Variants in TBC1D16 observed in about 807,000 individuals in gnomAD.
TBC1D16 encodes TBC1 domain family member 16.
Under a neutral mutation model 74.7 loss-of-function variants are expected in TBC1D16, and 58 were observed. The observed-to-expected ratio is 0.78, with a 90% CI of 0.63 to 0.97. TBC1D16 has a LOEUF of 0.97. TBC1D16 is among the 50% of genes least tolerant of loss of function. The pLI, the probability that TBC1D16 is intolerant of heterozygous loss-of-function variation, is 0.00. For missense variants in TBC1D16, 1,014 were observed against 1,079.5 expected (o/e 0.94, Z 0.85); for synonymous variants, 493 against 474.7 (o/e 1.04, Z -0.50).
At chr17:79,974,566 C>T (rs1456271409) in intron 3 of TBC1D16, among the ~76,000 whole-genome samples, 2 of 152,232 alleles carry the variant, frequency 1.3e-5, no homozygotes, top group Non-Finnish European at 2.9e-5. Context: ...TTATGGTTGG[C>T]CGAGGGTAAC....
In TBC1D16 at chr17:79,960,779, C is replaced by CAAAAAAAAAAAAAAAAAAAAAAAAAAA. The variant is rs746450905; in HGVS notation, c.780-7988_780-7962dup. Among the ~76,000 whole-genome samples the CAAAAAAAAAAAAAAAAAAAAAAAAAAA allele has an allele frequency of 1.5e-3, 51 of 33,948 alleles. 16 individuals are homozygous for CAAAAAAAAAAAAAAAAAAAAAAAAAAA. The highest frequency in any genetic ancestry group is 2.7e-3 in the African/African-American group (26 of 9,548). 22.3% of individuals were successfully genotyped at this position (33,948 alleles called of 152,430 possible). Reference sequence around the variant, plus strand: ...CAAAAAAACCCAAAAAACAAAAACCCAAAAAAAAAAAAAAAAAAAAAAAAA... The same window carrying CAAAAAAAAAAAAAAAAAAAAAAAAAAA: ...CAAAAAAACCCAAAAAACAAAAACCCAAAAAAAAAAAAAAAAAAAAAAAAAAAAAAAAAAAAAAAAAAAAAAAAAAAA... On this transcript the variant is annotated intron_variant, in intron 3 of 11. Transcript: ENST00000310924.
intron 1 of TBC1D16, among the ~76,000 whole-genome samples, 187 bp from the exon 2 acceptor site, chr17:80,013,796 G>C (rs1467503786): frequency 6.6e-6 from 1 of 152,150 alleles, no homozygotes; most frequent in Non-Finnish European, 1.5e-5. Flanking sequence ...ATCGCAGGAG[G>C]CTGAGCAGCG....
At chr17:80,011,812 C>T (rs1449884360) in intron 2 of TBC1D16, among the ~76,000 whole-genome samples, 2 of 148,962 alleles carry the variant, frequency 1.3e-5, no homozygotes, top group South Asian at 2.1e-4. Flanking sequence ...GATGACAGAG[C>T]GAGACTCCGT....
rs1672996699 is a variant in TBC1D16 at position 79,940,497 on chromosome 17, T to G, written c.*362A>C. On this transcript the variant is annotated 3_prime_UTR_variant, in exon 12 of 12. Transcript: ENST00000310924. The surrounding 1 kb of genome is among the most constrained non-coding windows in gnomAD (Gnocchi z 5.4). ...CCTTCCTCTCCTGTCTCTGCTTTCC[T>G]CATTGCCTGGCGACGCTGTCTGGCT... 2 of 186,854 alleles carry G rather than the reference T, an allele frequency of 1.1e-5. No homozygotes were observed. The highest frequency in any genetic ancestry group is 5.8e-5 in the Admixed American group (1 of 17,236). The allele number at this position is 186,854 out of a possible 1,614,324, so 11.6% of individuals were successfully genotyped here.
intron 1 of TBC1D16, among the ~76,000 whole-genome samples, chr17:80,029,390 C>T (rs996010816): frequency 5.9e-5 from 9 of 152,164 alleles, no homozygotes; most frequent in Admixed American, 5.9e-4. Context: ...ACACAGGGCG[C>T]AGCTGTGAGC....
chr17:80,011,157 T>C (rs2035875184), intron 2 of TBC1D16, among the ~76,000 whole-genome samples: 1 of 150,714 alleles, frequency 6.6e-6, no homozygotes, highest in Non-Finnish European at 1.5e-5. Context: ...TCCTCCCACC[T>C]CAGCTCCCGA....
intron 3 of TBC1D16, among the ~76,000 whole-genome samples, chr17:79,984,564 G>GAA (rs2034737326): frequency 4.1e-5 from 1 of 24,302 alleles, no homozygotes; most frequent in African/African-American, 3.2e-4. Context: ...GAAAGAAAGA[G>GAA]AGAGAGAGAA....
At chr17:79,974,670 G>A (rs568388024) in intron 3 of TBC1D16, among the ~76,000 whole-genome samples, 1 of 152,268 alleles carries the variant, frequency 6.6e-6, no homozygotes, top group Admixed American at 6.5e-5. Context: ...AGAGTTTCTT[G>A]GCTTCCTCCA....
At position 79,990,771 on chromosome 17, in the gene TBC1D16, C is replaced by G. The variant is rs527588976; in HGVS notation, c.779+19389G>C. The stretch of plus-strand genomic sequence containing the variant: ...TCCCCAACGTCCCCTCCCTCAGCCC[C>G]TGGCACCCCAATCTTTCCCTCTCTG... On this transcript the variant is annotated intron_variant, in intron 3 of 11. Coordinates refer to ENST00000310924, the MANE Select transcript of TBC1D16 (RefSeq NM_019020.4). The surrounding 1 kb of genome is among the most constrained non-coding windows in gnomAD (Gnocchi z 4.8). Among the ~76,000 whole-genome samples the G allele has an allele frequency of 1.3e-5, 2 of 152,366 alleles. No homozygotes were observed. The highest frequency in any genetic ancestry group is 4.1e-4 in the South Asian group (2 of 4,830).
At position 80,031,750 on chromosome 17, in the gene TBC1D16, G is replaced by A. The variant is rs1217241241; in HGVS notation, c.-63+4045C>T. Among the ~76,000 whole-genome samples, 3 of 152,146 alleles carry A rather than the reference G, an allele frequency of 2.0e-5. No individual in the cohort carries two copies. In the East Asian group the frequency reaches 5.8e-4, roughly 29 times the overall value. ...AACTCAGAGGTGAGCCTGGATCTGG[G>A]ACTAAGGAAAGACTAAACACAAAGG... On this transcript the variant is annotated intron_variant, in intron 1 of 11. Coordinates refer to ENST00000310924, the MANE Select transcript of TBC1D16 (RefSeq NM_019020.4).
At chr17:80,023,584 G>A (rs745993201) in intron 1 of TBC1D16, among the ~76,000 whole-genome samples, 1 of 150,058 alleles carries the variant, frequency 6.7e-6, no homozygotes, top group Non-Finnish European at 1.5e-5. Flanking sequence ...CACTGGTCCA[G>A]GCTGTGCACA....
chr17:79,992,401 G>A (rs1002667270), intron 3 of TBC1D16: 2 of 152,242 alleles, frequency 1.3e-5, no homozygotes, highest in Admixed American at 1.3e-4. Context: ...GTGAACACAC[G>A]GAGCCTGGGG....
chr17:80,034,625 T>C (rs928354274), intron 1 of TBC1D16, among the ~76,000 whole-genome samples: 4 of 152,252 alleles, frequency 2.6e-5, no homozygotes, highest in African/African-American at 7.2e-5. Context: ...ATGAACTTTG[T>C]AGTTAATACC....
intron 2 of TBC1D16, among the ~76,000 whole-genome samples, chr17:80,012,705 C>A (rs2035939131): frequency 6.6e-6 from 1 of 152,120 alleles, no homozygotes; most frequent in African/African-American, 2.4e-5. Flanking sequence ...ACCACCTCGC[C>A]CAGATGACAA....
chr17:80,034,061 T>C (rs1794822907), intron 1 of TBC1D16, among the ~76,000 whole-genome samples: 1 of 152,222 alleles, frequency 6.6e-6, no homozygotes, highest in Non-Finnish European at 1.5e-5. Flanking sequence ...CATCTGTAAA[T>C]GGGCATAACT....
chr17:80,015,326 C>CG (rs1317954795), intron 1 of TBC1D16, among the ~76,000 whole-genome samples: 1 of 151,942 alleles, frequency 6.6e-6, no homozygotes, highest in African/African-American at 2.4e-5. Context: ...CCCAGCTACT[C>CG]GGGAGGGTGA....
intron 3 of TBC1D16, among the ~76,000 whole-genome samples, chr17:79,997,626 T>A (rs935298555): frequency 6.6e-6 from 1 of 152,152 alleles, no homozygotes; most frequent in South Asian, 2.1e-4. Flanking sequence ...GTACAGCGAG[T>A]TTCCCCTCAA....
At position 79,940,764 on chromosome 17, in the gene TBC1D16, G is replaced by A. The variant is rs147064065; in HGVS notation, c.*95C>T. 1.6e-4 allele frequency: 219 copies of A among 1,343,732 alleles called. No individual in the cohort carries two copies. The highest frequency in any genetic ancestry group is 4.5e-4 in the East Asian group (17 of 37,992). 83.2% of individuals were successfully genotyped at this position (1,343,732 alleles called of 1,614,324 possible). ...AAAGCATTTTCCTTAGGTTTCTACC[G>A]TCCCCTGTCCCCTTCACGCCCAGCC... is the stretch of plus-strand genomic sequence containing the variant. On this transcript the variant is annotated 3_prime_UTR_variant, in exon 12 of 12. Coordinates refer to ENST00000310924, the MANE Select transcript of TBC1D16 (RefSeq NM_019020.4). The surrounding 1 kb of genome is among the most constrained non-coding windows in gnomAD (Gnocchi z 5.4).
intron 3 of TBC1D16, among the ~76,000 whole-genome samples, chr17:79,968,003 A>T (rs2033912278): frequency 6.6e-6 from 1 of 152,150 alleles, no homozygotes. Context: ...TCTTTAAAAA[A>T]TTTTTTTGAG....
Sources: allele counts gnomAD v4.1 joint callset (sites outside exome capture counted in the v4.1 genomes callset), GRCh38; gene constraint gnomAD v4.1.1; non-coding constraint Gnocchi (gnomAD v3.1); transcripts MANE v1.5; gene names NCBI Gene and HGNC (gene_info 2026-07-23, HGNC 2026-07-21).